The following TAF11 variants were observed in gnomAD, a reference collection of about 807,000 sequenced individuals.
TAF11 encodes the protein TATA-box binding protein associated factor 11.
A neutral mutation model predicts 23.0 loss-of-function variants in TAF11; 10 were observed. The observed-to-expected ratio is 0.43, with a 90% confidence interval of 0.27 to 0.74. The LOEUF (loss-of-function observed/expected upper bound fraction) is 0.74, where lower values mean the gene tolerates loss of function less well. TAF11 is among the 30% of genes least tolerant of loss of function. The pLI, the probability that TAF11 is intolerant of heterozygous loss-of-function variation, is 0.19. For missense variants in TAF11, 196 were observed against 261.7 expected (o/e 0.75, Z 1.73); for synonymous variants, 85 against 95.8 (o/e 0.89, Z 0.66).
intron 4 of TAF11, chr6:34,879,512 CA>C (rs35438113): frequency 0.056 from 42,739 of 760,286 alleles, no homozygotes; most frequent in Non-Finnish European, 0.062. Context: ...ATCTCCTGCT[CA>C]AAAAAAAAAA....
chr6:34,882,899 C>T (rs779033923), intron 2 of TAF11, 33 bp downstream of exon 2: 1 of 1,565,286 alleles, frequency 6.4e-7, no homozygotes, highest in Non-Finnish European at 8.6e-7. Context: ...AAGTGAGAGC[C>T]TCGAAATGGG....
chr6:34,878,762 A>AT, intron 4 of TAF11, 42 bp from the exon 5 acceptor site: 1 of 1,539,700 alleles, frequency 6.5e-7, no homozygotes, highest in South Asian at 1.1e-5. Context: ...TCACACAATA[A>AT]TTTACTAATC....
intron 2 of TAF11, among the ~76,000 whole-genome samples, chr6:34,882,676 A>G (rs1419868042): frequency 3.3e-5 from 5 of 151,928 alleles, no homozygotes; most frequent in Non-Finnish European, 7.4e-5. Flanking sequence ...AAAACATAAC[A>G]TAACATAACA....
At chr6:34,879,542 A>AGTAGCAATG in intron 4 of TAF11, 1 of 984,692 alleles carries the variant, frequency 1.0e-6, no homozygotes, top group Non-Finnish European at 1.2e-6. Flanking sequence ...CACCAGCTAG[A>AGTAGCAATG]GTAGCAATGG....
intron 4 of TAF11, chr6:34,879,409 TAAA>T (rs960846648): frequency 1.0e-6 from 1 of 956,210 alleles, no homozygotes; most frequent in African/African-American, 1.9e-5. Flanking sequence ...TAAAAAATAT[TAAA>T]AAAAATAATA....
At chr6:34,885,353 A>G (rs1358082345) in intron 1 of TAF11, among the ~76,000 whole-genome samples, 1 of 152,184 alleles carries the variant, frequency 6.6e-6, no homozygotes, top group Non-Finnish European at 1.5e-5. Flanking sequence ...ATACTTTGAT[A>G]AAGTGTTCTA....
At chr6:34,886,594 T>A (rs919513795) in intron 1 of TAF11, among the ~76,000 whole-genome samples, 1 of 151,910 alleles carries the variant, frequency 6.6e-6, no homozygotes, top group African/African-American at 2.4e-5. Flanking sequence ...GCCTCCTAAG[T>A]AGCCGGGATT....
intron 2 of TAF11, 147 bp downstream of exon 2, chr6:34,882,785 G>T: frequency 1.0e-6 from 1 of 996,544 alleles, no homozygotes; most frequent in Non-Finnish European, 1.4e-6. Flanking sequence ...GATTACAGGC[G>T]TGAGCCACCA....
At chr6:34,883,954 T>TAA (rs1409819983) in intron 1 of TAF11, among the ~76,000 whole-genome samples, 1 of 152,240 alleles carries the variant, frequency 6.6e-6, no homozygotes, top group African/African-American at 2.4e-5. Flanking sequence ...GGAAAGCTTT[T>TAA]AAACTCTTGG....
Position 34,887,887 on chromosome 6 carries a change from A to C in TAF11, c.71T>G (p.Val24Gly), listed in dbSNP as rs754265452. The C allele has an allele frequency of 9.3e-6, 15 of 1,613,914 alleles. No individual in the cohort carries two copies. Among genetic ancestry groups the C allele is most frequent in the Admixed American group, 3.3e-5 (2 of 59,994 alleles). ...GTCGGTAGCCCCCGGGTCCCCGGGC[A>C]CAGCGGCCGTCTCATCCGACTCCCC... The part of the protein sequence containing the change: ...ETGESDETAA[V>G]PGDPGATDTD... The change falls in exon 1 of 5, where the codon GTG becomes GGG. Residue 24 changes from valine to glycine, a missense_variant. By Grantham distance (109) the Val-to-Gly change is moderately radical. Transcript: ENST00000361288.
In TAF11 at chr6:34,877,597, A is replaced by G. The variant is rs777773283; in HGVS notation, c.*993T>C. On this transcript the variant is annotated 3_prime_UTR_variant, in exon 5 of 5. Coordinates refer to ENST00000361288, the MANE Select transcript of TAF11 (RefSeq NM_005643.4). ...TTTTCATCTCAGTCTTGGGGGGGGA[A>G]TTATTACACTGTTTTTAACAGTGCT... is the stretch of plus-strand genomic sequence containing the variant. 3.3e-5 allele frequency: 5 copies of G among 151,632 alleles called. No homozygotes were observed. Among genetic ancestry groups the G allele is most frequent in the East Asian group, 3.9e-4 (2 of 5,064 alleles). 9.4% of individuals were successfully genotyped at this position (151,632 alleles called of 1,614,324 possible).
At position 34,880,089 on chromosome 6, in the gene TAF11, G is replaced by A. The variant is rs1287329083; in HGVS notation, c.409-26C>T. ...CTTGAAAGAAGCACAAAGACTCCGT[G>A]ATCACAATAGTCAAAGACTGGCTTT... On this transcript the variant is annotated intron_variant, in intron 3 of 4. Transcript: ENST00000361288. The surrounding 1 kb of genome is among the most constrained non-coding windows in gnomAD (Gnocchi z 4.8). 1 of 1,603,822 alleles carries A rather than the reference G, an allele frequency of 6.2e-7. No homozygotes were observed. The highest frequency in any genetic ancestry group is 1.1e-5 in the South Asian group (1 of 90,662).
chr6:34,884,468 ATAAC>A (rs1249119894), intron 1 of TAF11, among the ~76,000 whole-genome samples: 2 of 152,200 alleles, frequency 1.3e-5, no homozygotes, highest in Non-Finnish European at 2.9e-5. Flanking sequence ...ATCAGGAAAA[ATAAC>A]TAAGGGACAC....
intron 2 of TAF11, 122 bp downstream of exon 2, chr6:34,882,810 G>A: frequency 8.2e-7 from 1 of 1,217,264 alleles, no homozygotes; most frequent in South Asian, 1.7e-5. Context: ...CAGCCATAAT[G>A]TATTAATCGT....
At chr6:34,887,311 A>G (rs1199062355) in intron 1 of TAF11, among the ~76,000 whole-genome samples, 1 of 152,124 alleles carries the variant, frequency 6.6e-6, no homozygotes, top group Non-Finnish European at 1.5e-5. Context: ...GTTCGATATA[A>G]AAGTCTATAT....
intron 1 of TAF11, among the ~76,000 whole-genome samples, chr6:34,884,410 G>T (rs1766495710): frequency 6.6e-6 from 1 of 151,240 alleles, no homozygotes; most frequent in South Asian, 2.1e-4. Flanking sequence ...GGGGTATATG[G>T]AAGGGTGAAG....
chr6:34,887,237 G>A (rs1384620658), intron 1 of TAF11, among the ~76,000 whole-genome samples: 1 of 152,170 alleles, frequency 6.6e-6, no homozygotes, highest in Non-Finnish European at 1.5e-5. Context: ...AGGAGGCGCA[G>A]GTTGCAGTGG....
rs200021526 is a variant in TAF11 at position 34,886,409 on chromosome 6, AC to A, written c.171+1377del. Among the ~76,000 whole-genome samples, 28 of 137,962 alleles carry A rather than the reference AC, an allele frequency of 2.0e-4. No homozygotes were observed. The South Asian group carries it at 2.9e-3, about 14-fold the overall frequency. The allele number at this position is 137,962 out of a possible 152,430, so 90.5% of individuals were successfully genotyped here. Reference sequence around the variant, plus strand: ...ACAAAAAACAAAAAACAAAAAACAAACAAAAAACCTGCCTTAAAATACTTTT... The same window carrying A: ...ACAAAAAACAAAAAACAAAAAACAAAAAAAAACCTGCCTTAAAATACTTTT... On this transcript the variant is annotated intron_variant, in intron 1 of 4. Transcript: ENST00000361288.
intron 1 of TAF11, 51 bp from the exon 2 acceptor site, chr6:34,883,131 T>C: frequency 6.4e-7 from 1 of 1,566,112 alleles, no homozygotes; most frequent in Non-Finnish European, 8.6e-7. Flanking sequence ...TTTCCAGGCT[T>C]GGGCAAAGTA....
Sources: allele counts gnomAD v4.1 joint callset (sites outside exome capture counted in the v4.1 genomes callset), GRCh38; gene constraint gnomAD v4.1.1; non-coding constraint Gnocchi (gnomAD v3.1); transcripts MANE v1.5; gene names NCBI Gene and HGNC (gene_info 2026-07-23, HGNC 2026-07-21).